Variants in PLEKHA4 observed in about 807,000 individuals in gnomAD.
PLEKHA4 encodes pleckstrin homology domain containing A4, also known as pleckstrin homology domain-containing family A member 4.
PLEKHA4 carries 73 observed loss-of-function variants against 94.7 expected under a neutral mutation model. The observed-to-expected ratio is 0.77, with a 90% CI of 0.64 to 0.94. The LOEUF is 0.94. Ranked by LOEUF, PLEKHA4 falls within the 40% of genes least tolerant of loss-of-function variation. PLEKHA4 has a pLI of 0.00. For missense variants in PLEKHA4, 1,049 were observed against 1,054.1 expected (o/e 1.00, Z 0.07); for synonymous variants, 449 against 437.1 (o/e 1.03, Z -0.34).
chr19:48,860,424 G>C lies in PLEKHA4; in HGVS notation c.402C>G (p.Ala134=). The C allele has an allele frequency of 1.9e-6, 3 of 1,614,094 alleles. No individual in the cohort carries two copies. Among genetic ancestry groups the C allele is most frequent in the Non-Finnish European group, 2.5e-6 (3 of 1,180,016 alleles). The change falls in exon 6 of 20, where the codon GCC becomes GCG. Residue 134 remains alanine (A), a synonymous_variant. Transcript: ENST00000263265. The part of the protein sequence containing the change: ...EHPGMRTYVL[A]ADTLEDLRGW... ...CCCGCAGGTCTTCTAAGGTGTCAGC[G>C]GCCAAAACGTAGGTCCTCATGCCCG...
intron 13 of PLEKHA4, among the ~76,000 whole-genome samples, chr19:48,850,203 C>T (rs1290720652): frequency 6.7e-6 from 1 of 149,158 alleles, no homozygotes; most frequent in Non-Finnish European, 1.5e-5. Flanking sequence ...AAGACTCCAT[C>T]TCATAAATAA....
In PLEKHA4 at chr19:48,837,834, T is replaced by A. The variant is rs1359124183; in HGVS notation, c.2077+183A>T. Reference sequence around the variant, plus strand: ...GACCTCTTCCTCCCCTCCTCCCAAGTGTCCCGGACCCCAGTCACCTCTTGC... The same window carrying A: ...GACCTCTTCCTCCCCTCCTCCCAAGAGTCCCGGACCCCAGTCACCTCTTGC... On this transcript the variant is annotated intron_variant, in intron 19 of 19. Coordinates refer to ENST00000263265, the MANE Select transcript of PLEKHA4 (RefSeq NM_020904.3). The surrounding 1 kb of genome is among the most constrained non-coding windows in gnomAD (Gnocchi z 4.3). 6.6e-6 allele frequency among the ~76,000 whole-genome samples: 1 copy of A among 150,948 alleles called. No homozygotes were observed. Among genetic ancestry groups the A allele is most frequent in the Admixed American group, 6.6e-5 (1 of 15,102 alleles).
Position 48,858,902 on chromosome 19 carries a change from G to T in PLEKHA4, c.930C>A (p.Pro310=), listed in dbSNP as rs1375532631. The T allele has an allele frequency of 1.2e-6, 2 of 1,608,118 alleles. No individual in the cohort carries two copies. ...GACTCCAGTGCTGGGGACTCCTGGG[G>T]GGCTTTCCTCCCCCAGCCTCAGAGG... ...GPPSEAGGGK[P]PRSPQHWSQE... Residue 310 remains proline, a synonymous_variant, in exon 8 of 20, where the codon CCC becomes CCA. Transcript: ENST00000263265.
At position 48,867,661 on chromosome 19, in the gene PLEKHA4, A is replaced by G; in HGVS notation, c.-6-35T>C. 1 of 1,547,976 alleles carries G rather than the reference A, an allele frequency of 6.5e-7. No individual in the cohort carries two copies. The highest frequency in any genetic ancestry group is 1.2e-5 in the South Asian group (1 of 84,566). On this transcript the variant is annotated intron_variant, in intron 1 of 19. Transcript: ENST00000263265. This position sits in a 1 kb window ranked among gnomAD's most constrained non-coding sequence, Gnocchi z 4.7. ...AGAAAGAAAGGGGCTGTGTCTCTGCAGTGACGGGTGTGAGACAGAGATGGG... is the reference window on the plus strand; with the variant it reads ...AGAAAGAAAGGGGCTGTGTCTCTGCGGTGACGGGTGTGAGACAGAGATGGG...
chr19:48,856,661 T>C (rs953807889), intron 9 of PLEKHA4, among the ~76,000 whole-genome samples: 4 of 151,554 alleles, frequency 2.6e-5, no homozygotes, highest in African/African-American at 7.3e-5. Context: ...AAGGTTGCAG[T>C]GAACCGAGAT....
At chr19:48,848,182 G>A in intron 13 of PLEKHA4, 142 bp from the exon 14 acceptor site, 1 of 1,021,526 alleles carries the variant, frequency 9.8e-7, no homozygotes, top group South Asian at 1.5e-5. Context: ...TGGTTATCCA[G>A]TTGAATTGAA....
At chr19:48,853,940 G>T in intron 11 of PLEKHA4, 67 bp downstream of exon 11, 1 of 1,600,328 alleles carries the variant, frequency 6.2e-7, no homozygotes, top group Non-Finnish European at 8.5e-7. Context: ...CCTGACTTCC[G>T]CATTCAGGAA....
At chr19:48,859,248 T>G in intron 7 of PLEKHA4, 109 bp from the exon 8 acceptor site, 2 of 981,226 alleles carry the variant, frequency 2.0e-6, no homozygotes, top group Admixed American at 2.5e-5. Context: ...TGTGTCTTAC[T>G]GTCCCACTGG....
intron 7 of PLEKHA4, 50 bp from the exon 8 acceptor site, chr19:48,859,189 T>A (rs778303953): frequency 1.5e-6 from 2 of 1,346,494 alleles, no homozygotes; most frequent in Non-Finnish European, 2.0e-6. Flanking sequence ...GCCCTCTCCA[T>A]CCACCTCCTT....
At chr19:48,858,819 G>T (rs772479222) in intron 8 of PLEKHA4, 41 bp downstream of exon 8, 2 of 1,611,272 alleles carry the variant, frequency 1.2e-6, no homozygotes, top group Admixed American at 3.3e-5. Flanking sequence ...CCTGAGGCCT[G>T]ATGGGAAACG....
At chr19:48,841,083 G>T (rs1454402598) in intron 17 of PLEKHA4, 66 bp downstream of exon 17, 1 of 1,449,004 alleles carries the variant, frequency 6.9e-7, no homozygotes. Context: ...TACAGAAAGG[G>T]ACTCAAAGTA....
intron 8 of PLEKHA4, among the ~76,000 whole-genome samples, chr19:48,858,624 T>G (rs2036512823): frequency 1.6e-5 from 1 of 60,784 alleles, no homozygotes; most frequent in African/African-American, 3.6e-4. Context: ...AAGACCTCAG[T>G]CTCAAAAAAA....
At chr19:48,847,221 G>A (rs2036000106) in intron 14 of PLEKHA4, among the ~76,000 whole-genome samples, 1 of 152,076 alleles carries the variant, frequency 6.6e-6, no homozygotes, top group African/African-American at 2.4e-5. Context: ...TTTTAAGCCA[G>A]GAGTTTAAGA....
intron 14 of PLEKHA4, among the ~76,000 whole-genome samples, chr19:48,847,692 A>G (rs2036017531): frequency 6.6e-6 from 1 of 152,194 alleles, no homozygotes; most frequent in Non-Finnish European, 1.5e-5. Flanking sequence ...AGATTGCACC[A>G]CTGGACTCCA....
At chr19:48,860,731 G>T (rs1333979081) in intron 5 of PLEKHA4, among the ~76,000 whole-genome samples, 1 of 151,732 alleles carries the variant, frequency 6.6e-6, no homozygotes, top group Non-Finnish European at 1.5e-5. Context: ...TGCACTTTGC[G>T]TCGCTGCACG....
At position 48,858,903 on chromosome 19, in the gene PLEKHA4, G is replaced by T. The variant is rs1270013399; in HGVS notation, c.929C>A (p.Pro310His). ...GPPSEAGGGK[P>H]PRSPQHWSQE... Reference sequence around the variant, plus strand: ...ACTCCAGTGCTGGGGACTCCTGGGGGGCTTTCCTCCCCCAGCCTCAGAGGG... The same window carrying T: ...ACTCCAGTGCTGGGGACTCCTGGGGTGCTTTCCTCCCCCAGCCTCAGAGGG... The change falls in exon 8 of 20, where the codon CCC becomes CAC. Residue 310 changes from proline to histidine, a missense_variant. Transcript: ENST00000263265. 1.2e-6 allele frequency: 2 copies of T among 1,607,830 alleles called. No individual in the cohort carries two copies. The highest frequency in any genetic ancestry group is 2.7e-5 in the African/African-American group (2 of 74,512).
At chr19:48,866,552 C>T (rs1038810334) in intron 2 of PLEKHA4, among the ~76,000 whole-genome samples, 1 of 152,206 alleles carries the variant, frequency 6.6e-6, no homozygotes, top group African/African-American at 2.4e-5. Context: ...GGTGATCCAC[C>T]CGCCTCAGCC....
rs771775917 is a variant in PLEKHA4 at position 48,854,278 on chromosome 19, A to G, written c.1048-14T>C. Reference sequence around the variant, plus strand: ...GGGAGGACCCGGCTGAAGAGAAGGAAAAAAGTCAGGGGTCAAAGGGGACAG... The same window carrying G: ...GGGAGGACCCGGCTGAAGAGAAGGAGAAAAGTCAGGGGTCAAAGGGGACAG... On this transcript the variant is annotated splice_polypyrimidine_tract_variant and intron_variant, in intron 9 of 19. Coordinates refer to ENST00000263265, the MANE Select transcript of PLEKHA4 (RefSeq NM_020904.3). The G allele has an allele frequency of 3.6e-5, 58 of 1,613,348 alleles. No individual in the cohort carries two copies. The highest frequency in any genetic ancestry group is 4.9e-5 in the Non-Finnish European group (58 of 1,179,366).
chr19:48,851,059 T>C lies in PLEKHA4; in HGVS notation c.1425+1169A>G, dbSNP rs192749249. Among the ~76,000 whole-genome samples, 894 of 152,170 alleles carry C rather than the reference T, an allele frequency of 5.9e-3. 14 individuals are homozygous for C. The highest frequency in any genetic ancestry group is 0.019 in the African/African-American group (808 of 41,530). The stretch of plus-strand genomic sequence containing the variant: ...GGGAGGCTGAGGGAGGAGAATCGTT[T>C]GAACCTGGGAGGCGGAGGTTGCAGT... On this transcript the variant is annotated intron_variant, in intron 13 of 19. Transcript: ENST00000263265.
Sources: gnomAD v4.1 joint callset for allele counts (sites outside exome capture counted in the v4.1 genomes callset) on GRCh38, gnomAD v4.1.1 for gene constraint, Gnocchi (gnomAD v3.1) non-coding constraint, MANE v1.5 for transcripts, NCBI Gene and HGNC (gene_info 2026-07-23, HGNC 2026-07-21) for gene names.